OPRM1: variants seen among roughly 807,000 people sequenced by gnomAD.
OPRM1 encodes mu-type opioid receptor.
A neutral mutation model predicts 31.8 loss-of-function variants in OPRM1; 27 were observed. The observed-to-expected ratio is 0.85, with a 90% CI of 0.63 to 1.17. The LOEUF (loss-of-function observed/expected upper bound fraction) is 1.17. OPRM1 is among the 50% of genes most tolerant of loss of function. The probability of loss-of-function intolerance (pLI) is 0.00; values close to 1 mark genes in which losing one functional copy is unlikely to be tolerated. For synonymous variants in OPRM1, 196 were observed against 189.9 expected, an observed-to-expected ratio of 1.03 and a Z score of -0.26; for missense variants, 536 against 511.1, an observed-to-expected ratio of 1.05 and a Z score of -0.47.
At chr6:154,084,917 AACACACACAC>A (rs71669485) in intron 1 of OPRM1, among the ~76,000 whole-genome samples, 68 of 146,490 alleles carry the variant, frequency 4.6e-4, no homozygotes, top group East Asian at 6.3e-4. Flanking sequence ...TGTGGAATTA[AACACACACAC>A]ACACACACAC....
chr6:154,176,494 T>C (rs997374586), intron 3 of OPRM1, among the ~76,000 whole-genome samples: 1 of 152,124 alleles, frequency 6.6e-6, no homozygotes, highest in African/African-American at 2.4e-5. Context: ...ACAAAATCAA[T>C]GTGCAAAAAT....
chr6:154,039,961 T>A, intron 1 of OPRM1, 127 bp downstream of exon 1: 2 of 729,284 alleles, frequency 2.7e-6, no homozygotes, highest in Non-Finnish European at 4.3e-6. Context: ...GGGGGGACTC[T>A]GGAGGAGACC....
At chr6:154,134,172 T>C (rs1797998660), downstream of OPRM1, among the ~76,000 whole-genome samples, 1 of 152,238 alleles carries the variant, frequency 6.6e-6, no homozygotes, top group African/African-American at 2.4e-5. Context: ...GCCTAATTTC[T>C]GTCACCTAAA....
chr6:154,084,185 A>T (rs566789613), intron 1 of OPRM1, among the ~76,000 whole-genome samples: 9 of 152,318 alleles, frequency 5.9e-5, no homozygotes, highest in African/African-American at 2.2e-4. Flanking sequence ...AGCTTATTAG[A>T]AATGTCATTA....
chr6:154,175,315 C>G (rs1800221210), intron 3 of OPRM1, among the ~76,000 whole-genome samples: 1 of 150,022 alleles, frequency 6.7e-6, no homozygotes, highest in South Asian at 2.1e-4. Flanking sequence ...CAAGAAATAA[C>G]TAAGATCAGA....
At chr6:154,199,184 C>G (rs529040658) in intron 3 of OPRM1, among the ~76,000 whole-genome samples, 24 of 152,330 alleles carry the variant, frequency 1.6e-4, no homozygotes. Flanking sequence ...AATTGTCTGT[C>G]TTCCCATCAA....
intron 1 of OPRM1, among the ~76,000 whole-genome samples, chr6:154,040,844 T>C (rs1322701764): frequency 6.6e-6 from 1 of 152,204 alleles, no homozygotes; most frequent in African/African-American, 2.4e-5. Flanking sequence ...TGACTGAGAT[T>C]GATATTGATT....
At chr6:154,218,396 G>A (rs1258847582) in intron 3 of OPRM1, among the ~76,000 whole-genome samples, 1 of 152,196 alleles carries the variant, frequency 6.6e-6, no homozygotes, top group African/African-American at 2.4e-5. Context: ...AACATGCGGA[G>A]TTTCTACTAA....
intron 3 of OPRM1, among the ~76,000 whole-genome samples, chr6:154,098,373 G>T (rs1793772032): frequency 6.6e-6 from 1 of 152,070 alleles, no homozygotes; most frequent in African/African-American, 2.4e-5. Flanking sequence ...CATCTTATTT[G>T]GTTAAACTTA....
chr6:154,024,154 T>A (rs9478499), intron 1 of OPRM1, among the ~76,000 whole-genome samples: 20,351 of 152,100 alleles, frequency 0.13, 1,456 homozygotes, highest in Non-Finnish European at 0.17. Flanking sequence ...AATTCAGTAA[T>A]GAAGCCACTA....
chr6:154,195,143 C>CTTTTTTT (rs1162086187), intron 3 of OPRM1, among the ~76,000 whole-genome samples: 9 of 133,486 alleles, frequency 6.7e-5, no homozygotes, highest in African/African-American at 2.4e-4. Flanking sequence ...TTTTTCTTTT[C>CTTTTTTT]TTTCTTTTTT....
At chr6:154,032,803 C>G (rs1386538874) in intron 1 of OPRM1, among the ~76,000 whole-genome samples, 1 of 152,148 alleles carries the variant, frequency 6.6e-6, no homozygotes, top group African/African-American at 2.4e-5. Context: ...CAGATTTTTG[C>G]CTTGAGGAAC....
chr6:154,186,017 A>T (rs2128574393), intron 3 of OPRM1, among the ~76,000 whole-genome samples: 1 of 152,270 alleles, frequency 6.6e-6, no homozygotes, highest in Non-Finnish European at 1.5e-5. Flanking sequence ...GCCTATCAAT[A>T]TTGGGGCACC....
chr6:154,234,738 AGGAGATCACTT>A lies in OPRM1; in HGVS notation c.1165-11950_1165-11940del, dbSNP rs567525792. ...GAAAGAGGGAAAGGGCTCTGAAGTA[AGGAGATCACTT>A]GGAGCAAAATCATATTTTAAGTGAA... On this transcript the variant is annotated intron_variant, in intron 3 of 3. Transcript: ENST00000337049. Among the ~76,000 whole-genome samples the A allele has an allele frequency of 2.7e-3, 408 of 152,360 alleles. 2 individuals carry two copies. Among genetic ancestry groups the A allele is most frequent in the African/African-American group, 9.6e-3 (398 of 41,568 alleles).
At position 154,121,682 on chromosome 6, in the gene OPRM1, C is replaced by T. The variant is rs1797306483; in HGVS notation, c.*2961C>T. 1.3e-5 allele frequency among the ~76,000 whole-genome samples: 2 copies of T among 152,176 alleles called. No individual in the cohort carries two copies. Among genetic ancestry groups the T allele is most frequent in the African/African-American group, 4.8e-5 (2 of 41,440 alleles). ...ACAAATTCTGTTTCCCACATTGTCACAGCATGCCCTTTACATCTCAGGATC... is the reference window on the plus strand; with the variant it reads ...ACAAATTCTGTTTCCCACATTGTCATAGCATGCCCTTTACATCTCAGGATC... On this transcript the variant is annotated 3_prime_UTR_variant, in exon 4 of 4. Transcript: ENST00000330432.
intron 3 of OPRM1, among the ~76,000 whole-genome samples, chr6:154,215,329 C>T (rs888970602): frequency 1.3e-5 from 2 of 152,118 alleles, no homozygotes; most frequent in African/African-American, 4.8e-5. Flanking sequence ...AAATTCAATG[C>T]CGGGAGCGGT....
chr6:154,011,226 T>C (rs890544499), intron 1 of OPRM1, among the ~76,000 whole-genome samples: 2 of 152,156 alleles, frequency 1.3e-5, no homozygotes. Context: ...TGTGTGTGCA[T>C]GTCTGTGTTT....
At chr6:154,086,530 C>T in intron 1 of OPRM1, 3 of 976,474 alleles carry the variant, frequency 3.1e-6, no homozygotes, top group Non-Finnish European at 3.6e-6. Context: ...ATTAACTATG[C>T]ATAACCACGT....
At chr6:154,046,363 G>A (rs759548874) in intron 1 of OPRM1, among the ~76,000 whole-genome samples, 1 of 152,094 alleles carries the variant, frequency 6.6e-6, no homozygotes, top group Non-Finnish European at 1.5e-5. Context: ...CTTGAGCTCA[G>A]GATAATAGGA....
Sources: gnomAD v4.1 joint callset for allele counts (sites outside exome capture counted in the v4.1 genomes callset) on GRCh38, gnomAD v4.1.1 for gene constraint, MANE v1.5 for transcripts, NCBI Gene and HGNC (gene_info 2026-07-23, HGNC 2026-07-21) for gene names.